The following CFAP53 variants were observed in gnomAD, a reference collection of about 807,000 sequenced individuals.
CFAP53 encodes the protein cilia- and flagella-associated protein 53.
Under a neutral mutation model 59.7 loss-of-function variants are expected in CFAP53, and 62 were observed. The observed-to-expected ratio is 1.04, with a 90% confidence interval of 0.85 to 1.28. CFAP53 has a LOEUF of 1.28. Ranked by LOEUF, CFAP53 falls within the 50% of genes most tolerant of loss-of-function variation. CFAP53 has a pLI of 0.00. For missense variants in CFAP53, 629 were observed against 615.6 expected (o/e 1.02, Z -0.23); for synonymous variants, 218 against 205.7 (o/e 1.06, Z -0.51).
intron 6 of CFAP53, 27 bp downstream of exon 6, chr18:50,242,873 T>TA: frequency 6.4e-7 from 1 of 1,569,376 alleles, no homozygotes; most frequent in Non-Finnish European, 8.7e-7. Flanking sequence ...GGGCAAGCTA[T>TA]AATATAACTG....
chr18:50,248,049 G>A (rs1012645061), intron 5 of CFAP53, among the ~76,000 whole-genome samples: 6 of 151,374 alleles, frequency 4.0e-5, no homozygotes, highest in African/African-American at 1.5e-4. Flanking sequence ...AAAACCAGGA[G>A]TTGGAGGCTG....
intron 7 of CFAP53, among the ~76,000 whole-genome samples, chr18:50,230,165 T>C (rs2033566468): frequency 6.6e-6 from 1 of 152,248 alleles, no homozygotes; most frequent in Admixed American, 6.5e-5. Flanking sequence ...ACAGAGCTCC[T>C]ACAACTCTTG....
intron 1 of CFAP53, among the ~76,000 whole-genome samples, chr18:50,262,773 G>T (rs1485601422): frequency 5.3e-5 from 8 of 152,012 alleles, no homozygotes. Context: ...TATGTATATG[G>T]ATATATAACG....
intron 3 of CFAP53, among the ~76,000 whole-genome samples, chr18:50,253,162 G>A (rs559580827): frequency 1.0e-3 from 156 of 152,150 alleles, no homozygotes; most frequent in Middle Eastern, 3.4e-3. Flanking sequence ...GACCACAGGC[G>A]CCCACCACCA....
chr18:50,250,727 G>A, intron 5 of CFAP53, 31 bp downstream of exon 5: 3 of 1,542,532 alleles, frequency 1.9e-6, no homozygotes, highest in Non-Finnish European at 2.7e-6. Context: ...ATCCCTTCCA[G>A]CAGGTAGCAG....
intron 1 of CFAP53, among the ~76,000 whole-genome samples, chr18:50,262,748 G>GTA (rs758772734): frequency 6.6e-6 from 1 of 152,164 alleles, no homozygotes; most frequent in Non-Finnish European, 1.5e-5. Flanking sequence ...ATGTGTGTGT[G>GTA]TATATATATG....
chr18:50,245,187 C>T (rs1158087462), intron 5 of CFAP53, among the ~76,000 whole-genome samples: 1 of 150,974 alleles, frequency 6.6e-6, no homozygotes, highest in Non-Finnish European at 1.5e-5. Flanking sequence ...TCGAGACCAT[C>T]CTGGCTAACA....
At position 50,246,170 on chromosome 18, in the gene CFAP53, G is replaced by A. The variant is rs534640645; in HGVS notation, c.997-3054C>T. ...CTCCCAAAGTGCTGGGATTACAGGC[G>A]TGAGCCACTGCACCAGGCCAGGATT... is the stretch of plus-strand genomic sequence containing the variant. On this transcript the variant is annotated intron_variant, in intron 5 of 7. Transcript: ENST00000398545. 9.2e-5 allele frequency among the ~76,000 whole-genome samples: 14 copies of A among 152,276 alleles called. No homozygotes were observed. In the South Asian group the frequency reaches 2.9e-3, roughly 32 times the overall value.
Position 50,251,763 on chromosome 18 carries a change from A to G in CFAP53, c.495T>C (p.Arg165=). 6.2e-7 allele frequency: 1 copy of G among 1,613,908 alleles called. No individual in the cohort carries two copies. The highest frequency in any genetic ancestry group is 1.6e-4 in the Middle Eastern group (1 of 6,062). Residue 165 remains arginine, a synonymous_variant, in exon 4 of 8, where the codon CGT becomes CGC. Coordinates refer to ENST00000398545, the MANE Select transcript of CFAP53 (RefSeq NM_145020.5). ...QQFRERCEEL[R]VELLSIHQKK... is the part of the protein sequence containing the mutation. ...TCTGATGGATAGATAACAATTCAAC[A>G]CGGAGCTCCTCACAGCGTTCCCTGA...
chr18:50,232,137 T>C (rs962716145), intron 7 of CFAP53, among the ~76,000 whole-genome samples: 1 of 152,234 alleles, frequency 6.6e-6, no homozygotes, highest in Non-Finnish European at 1.5e-5. Flanking sequence ...AAGTGCAGTT[T>C]GTGCCCCTGA....
rs78109600 is a variant in CFAP53 at position 50,240,747 on chromosome 18, C to G, written c.1214-2042G>C. Among the ~76,000 whole-genome samples, 1,133 of 152,284 alleles carry G rather than the reference C, an allele frequency of 7.4e-3. 27 individuals are homozygous for G. The East Asian group carries it at 0.076, about 10-fold the overall frequency. ...AAAGTTCCATCTAATATTGGCTTAA[C>G]AATTTTCTACTGCTATTGTAATTCC... On this transcript the variant is annotated intron_variant, in intron 6 of 7. Coordinates refer to ENST00000398545, the MANE Select transcript of CFAP53 (RefSeq NM_145020.5).
rs201853790 is a variant in CFAP53, at chr18:50,259,579, GT to G, written c.473+1484del. Reference sequence around the variant, plus strand: ...ATGACTATAGTCAATAATTACAGGCGTGTGCCACCATGCCCGGCTAATTTTT... The same window carrying G: ...ATGACTATAGTCAATAATTACAGGCGGTGCCACCATGCCCGGCTAATTTTT... On this transcript the variant is annotated intron_variant, in intron 3 of 7. Coordinates refer to ENST00000398545, the MANE Select transcript of CFAP53 (RefSeq NM_145020.5). 7.3e-3 allele frequency among the ~76,000 whole-genome samples: 1,112 copies of G among 151,764 alleles called. 26 individuals are homozygous for G. Among genetic ancestry groups the G allele is most frequent in the East Asian group, 0.073 (377 of 5,172 alleles).
At chr18:50,236,119 C>T (rs1462357444) in intron 7 of CFAP53, among the ~76,000 whole-genome samples, 3 of 152,144 alleles carry the variant, frequency 2.0e-5, no homozygotes, top group East Asian at 1.9e-4. Flanking sequence ...TCAAATGTTT[C>T]GATTTATCAT....
intron 6 of CFAP53, among the ~76,000 whole-genome samples, chr18:50,240,785 T>C (rs1568152689): frequency 6.6e-6 from 1 of 152,246 alleles, no homozygotes; most frequent in Non-Finnish European, 1.5e-5. Flanking sequence ...GAGTGAAGAA[T>C]TAATGAATGG....
intron 3 of CFAP53, among the ~76,000 whole-genome samples, chr18:50,255,497 G>C (rs1019983166): frequency 6.6e-6 from 1 of 152,040 alleles, no homozygotes; most frequent in Non-Finnish European, 1.5e-5. Context: ...AGGGAAACTA[G>C]GTGAAGGGTA....
rs560222978 is a variant in CFAP53 at position 50,244,087 on chromosome 18, C to T, written c.997-971G>A. ...AAGTTGAGACCTGCTGTTTATTTAG[C>T]GCAGGCATTTTTAGTTGGCTACTGC... is the stretch of plus-strand genomic sequence containing the variant. On this transcript the variant is annotated intron_variant, in intron 5 of 7. Transcript: ENST00000398545. 7.9e-5 allele frequency among the ~76,000 whole-genome samples: 12 copies of T among 152,276 alleles called. No homozygotes were observed. The South Asian group carries it at 8.3e-4, about 11-fold the overall frequency.
At chr18:50,243,324 A>G (rs956997976) in intron 5 of CFAP53, among the ~76,000 whole-genome samples, 6 of 152,228 alleles carry the variant, frequency 3.9e-5, no homozygotes, top group Admixed American at 6.5e-5. Context: ...AAGAATGGCC[A>G]TCAGTTGATG....
At chr18:50,263,353 A>G (rs1196076912) in intron 1 of CFAP53, among the ~76,000 whole-genome samples, 4 of 152,230 alleles carry the variant, frequency 2.6e-5, no homozygotes, top group African/African-American at 9.6e-5. Flanking sequence ...GAATATCACC[A>G]TCAGGATTAC....
intron 3 of CFAP53, among the ~76,000 whole-genome samples, chr18:50,255,791 G>A (rs577903902): frequency 6.6e-5 from 10 of 151,406 alleles, no homozygotes; most frequent in African/African-American, 2.2e-4. Context: ...TTATTCATAA[G>A]AGTCCCAAAC....
Sources: gnomAD v4.1 joint callset for allele counts (sites outside exome capture counted in the v4.1 genomes callset) on GRCh38, gnomAD v4.1.1 for gene constraint, MANE v1.5 for transcripts, NCBI Gene and HGNC (gene_info 2026-07-23, HGNC 2026-07-21) for gene names.